NOS1: variants seen among roughly 807,000 people sequenced by gnomAD.
The protein encoded by NOS1 is NOS type I.
Under a neutral mutation model 164.5 loss-of-function variants are expected in NOS1, and 51 were observed. That is an observed-to-expected ratio of 0.31 (90% CI 0.25 to 0.39). The LOEUF (loss-of-function observed/expected upper bound fraction) is 0.39. Among genes scored for constraint, NOS1 ranks in the 10% least tolerant of loss-of-function variants. The pLI is 1.00. For missense variants in NOS1, 1,362 were observed against 1,885.6 expected (o/e 0.72, Z 5.14); for synonymous variants, 719 against 745.8 (o/e 0.96, Z 0.59).
At chr12:117,288,521 G>A (rs1373031559) in intron 4 of NOS1, among the ~76,000 whole-genome samples, 1 of 152,168 alleles carries the variant, frequency 6.6e-6, no homozygotes, top group East Asian at 1.9e-4. Flanking sequence ...TTTGCATGAT[G>A]ATCAAGGAGG....
chr12:117,213,595 C>T lies in NOS1; in HGVS notation c.*1714G>A. On this transcript the variant is annotated 3_prime_UTR_variant, in exon 29 of 29. Transcript: ENST00000317775. ...GCCCTTTGGGGTCTTGGTGCCCCCACTGTAAAGCCCTTTCAAAGAGGGCCA... is the reference window on the plus strand; with the variant it reads ...GCCCTTTGGGGTCTTGGTGCCCCCATTGTAAAGCCCTTTCAAAGAGGGCCA... 3 of 985,482 alleles carry T rather than the reference C, an allele frequency of 3.0e-6. No homozygotes were observed. The allele number at this position is 985,482 out of a possible 1,614,324, so 61.0% of individuals were successfully genotyped here. A position where few individuals can be genotyped will look rare whatever the true frequency, so the allele number is the denominator to read the frequency against.
chr12:117,294,319 G>A (rs1338216072), intron 3 of NOS1, among the ~76,000 whole-genome samples: 3 of 152,106 alleles, frequency 2.0e-5, no homozygotes, highest in Non-Finnish European at 4.4e-5. Flanking sequence ...GGCGGCAGCC[G>A]ACAGTTTTCA....
intron 11 of NOS1, among the ~76,000 whole-genome samples, chr12:117,267,495 G>A (rs146340451): frequency 3.7e-4 from 56 of 152,118 alleles, no homozygotes; most frequent in African/African-American, 1.3e-3. Flanking sequence ...GCTGAGGCAG[G>A]AGAATTGCTT....
At chr12:117,343,224 C>T (rs1244366044) in intron 1 of NOS1, among the ~76,000 whole-genome samples, 1 of 143,812 alleles carries the variant, frequency 7.0e-6, no homozygotes, top group Non-Finnish European at 1.5e-5. Flanking sequence ...GGTGACAGTG[C>T]AAGACTCTGT....
intron 19 of NOS1, 134 bp from the exon 20 acceptor site, chr12:117,242,839 C>A (rs1337205666): frequency 2.4e-5 from 18 of 739,646 alleles, no homozygotes; most frequent in Admixed American, 2.1e-5. Context: ...TCACTTGAGG[C>A]CAGGGGTTCA....
intron 2 of NOS1, among the ~76,000 whole-genome samples, chr12:117,313,351 G>A (rs150561855): frequency 6.6e-6 from 1 of 152,268 alleles, no homozygotes; most frequent in African/African-American, 2.4e-5. Context: ...CTGGAGTGCA[G>A]TGGTGCAATC....
At chr12:117,290,799 C>G (rs949384529) in intron 3 of NOS1, among the ~76,000 whole-genome samples, 8 of 152,198 alleles carry the variant, frequency 5.3e-5, no homozygotes, top group African/African-American at 1.9e-4. Flanking sequence ...ATGATAATAG[C>G]CCCCAGCACC....
intron 8 of NOS1, among the ~76,000 whole-genome samples, chr12:117,279,261 C>T (rs1349795927): frequency 2.0e-5 from 3 of 151,974 alleles, no homozygotes; most frequent in Admixed American, 6.6e-5. Flanking sequence ...TCTGTAGTCC[C>T]AGCTACTCAG....
chr12:117,253,577 G>T, intron 17 of NOS1, 61 bp downstream of exon 17: 1 of 1,160,468 alleles, frequency 8.6e-7, no homozygotes, highest in Non-Finnish European at 1.3e-6. Context: ...TTGTAAGTAG[G>T]TCAAGCTCCC....
At chr12:117,269,246 G>A (rs772572369) in intron 10 of NOS1, among the ~76,000 whole-genome samples, 1 of 152,094 alleles carries the variant, frequency 6.6e-6, no homozygotes, top group African/African-American at 2.4e-5. Flanking sequence ...AGTGCTCTAG[G>A]CAGAGGGGGC....
Position 117,331,020 on chromosome 12 carries a change from G to C in NOS1, c.50C>G (p.Ser17Cys). Residue 17 changes from serine to cysteine, a missense_variant, in exon 2 of 29, where the codon TCT becomes TGT. Around this residue, in one of 4 missense-constraint regions of NOS1, gnomAD observed 362 missense variants for 402.0 expected, o/e 0.90. Coordinates refer to ENST00000317775, the MANE Select transcript of NOS1 (RefSeq NM_000620.5). ...GVQQIQPNVI[S>C]VRLFKRKVGG... ...AACTTTGCGCTTGAAGAGACGAACAGAAATGACATTGGGCTGGATTTGCTG... is the reference window on the plus strand; with the variant it reads ...AACTTTGCGCTTGAAGAGACGAACACAAATGACATTGGGCTGGATTTGCTG... 6.2e-7 allele frequency: 1 copy of C among 1,614,122 alleles called. No homozygotes were observed. Among genetic ancestry groups the C allele is most frequent in the Non-Finnish European group, 8.5e-7 (1 of 1,180,000 alleles).
chr12:117,254,719 G>A (rs1416898320), intron 16 of NOS1, among the ~76,000 whole-genome samples: 1 of 152,212 alleles, frequency 6.6e-6, no homozygotes, highest in African/African-American at 2.4e-5. Context: ...CTGGGTCATA[G>A]CAGGGTGTCA....
At chr12:117,301,882 G>A (rs550366175) in intron 3 of NOS1, 5 of 410,830 alleles carry the variant, frequency 1.2e-5, no homozygotes, top group Admixed American at 5.6e-5. Flanking sequence ...CCTCAAATTC[G>A]CAATATATTA....
chr12:117,302,015 C>T (rs1027900914), intron 3 of NOS1: 4 of 456,640 alleles, frequency 8.8e-6, no homozygotes, highest in African/African-American at 8.0e-5. Context: ...CCAACACTTA[C>T]TGGTTATGTG....
chr12:117,268,262 G>A (rs991779735), intron 10 of NOS1, 118 bp from the exon 11 acceptor site: 16 of 699,012 alleles, frequency 2.3e-5, no homozygotes, highest in African/African-American at 1.4e-4. Context: ...ATGGACTCTC[G>A]CTCTGTCGCA....
chr12:117,343,121 G>C (rs1015321735), intron 1 of NOS1, among the ~76,000 whole-genome samples: 1 of 151,606 alleles, frequency 6.6e-6, no homozygotes, highest in Non-Finnish European at 1.5e-5. Context: ...TTGAGGCCAG[G>C]AGTTCAAGAC....
chr12:117,330,924 C>G lies in NOS1; in HGVS notation c.146G>C (p.Gly49Ala), dbSNP rs1419117007. Residue 49 changes from glycine to alanine, a missense_variant, in exon 2 of 29, where the codon GGG becomes GCG. Around this residue, in one of 4 missense-constraint regions of NOS1, gnomAD observed 362 missense variants for 402.0 expected, o/e 0.90. Transcript: ENST00000317775. The surrounding 1 kb of genome is among the most constrained non-coding windows in gnomAD (Gnocchi z 4.6). ...GAGGCCACTCTGCTCTGCGGCGCCC[C>G]CACGAATCAGGTCAGAGATGATCAC... ...PPVIISDLIR[G>A]GAAEQSGLIQ... 1 of 1,614,172 alleles carries G rather than the reference C, an allele frequency of 6.2e-7. No homozygotes were observed. The highest frequency in any genetic ancestry group is 8.5e-7 in the Non-Finnish European group (1 of 1,180,028).
chr12:117,208,742 T>TTTC lies in NOS1; in HGVS notation c.*6566_*6567insGAA. ...GCATGGGAGGGCTTTTTTTTTTTTT[T>TTTC]CCACAGGGTCTCATTCTGTCAACAA... On this transcript the variant is annotated 3_prime_UTR_variant, in exon 29 of 29. Coordinates refer to ENST00000317775, the MANE Select transcript of NOS1 (RefSeq NM_000620.5). 1 of 988,858 alleles carries TTTC rather than the reference T, an allele frequency of 1.0e-6. No individual in the cohort carries two copies. The highest frequency in any genetic ancestry group is 1.8e-5 in the African/African-American group (1 of 56,370). 61.3% of individuals were successfully genotyped at this position (988,858 alleles called of 1,614,324 possible).
intron 2 of NOS1, among the ~76,000 whole-genome samples, chr12:117,327,279 G>A (rs189706454): frequency 6.6e-6 from 1 of 152,222 alleles, no homozygotes; most frequent in Non-Finnish European, 1.5e-5. Flanking sequence ...GGGACAGGGA[G>A]GGTGGTAGAG....
Sources: gnomAD v4.1 joint callset for allele counts (sites outside exome capture counted in the v4.1 genomes callset) on GRCh38, gnomAD v4.1.1 for gene constraint, gnomAD v4.1.1 regional missense constraint, Gnocchi (gnomAD v3.1) non-coding constraint, MANE v1.5 for transcripts, NCBI Gene and HGNC (gene_info 2026-07-23, HGNC 2026-07-21) for gene names.